ANTXR1: variants seen among roughly 807,000 people sequenced by gnomAD.
The protein encoded by ANTXR1 is ANTXR cell adhesion molecule 1.
A neutral mutation model predicts 78.1 loss-of-function variants in ANTXR1; 19 were observed. The observed-to-expected ratio is 0.24, with a 90% confidence interval of 0.17 to 0.36. The LOEUF (loss-of-function observed/expected upper bound fraction) is 0.36. Ranked by LOEUF, ANTXR1 falls within the 10% of genes least tolerant of loss-of-function variation. The pLI, the probability that ANTXR1 is intolerant of heterozygous loss-of-function variation, is 1.00. For missense variants in ANTXR1, 518 were observed against 718.6 expected (o/e 0.72, Z 3.19); for synonymous variants, 273 against 260.5 (o/e 1.05, Z -0.46).
At chr2:69,051,701 C>T (rs989407817) in intron 3 of ANTXR1, among the ~76,000 whole-genome samples, 9 of 152,016 alleles carry the variant, frequency 5.9e-5, no homozygotes, top group African/African-American at 2.2e-4. Flanking sequence ...TTTTTGTTTA[C>T]TTGATCTATG....
In ANTXR1 at chr2:69,170,413, T is replaced by C. The variant is rs371909415; in HGVS notation, c.1089+124T>C. On this transcript the variant is annotated intron_variant, in intron 14 of 17. Transcript: ENST00000303714. ...GCTAAGTCAAGCTCAAAGGATTTAA[T>C]GTACCTGCCTGTGAAGCAGAAGGGA... 2.1e-5 allele frequency: 23 copies of C among 1,094,222 alleles called. No homozygotes were observed. The Admixed American group carries it at 4.6e-4, about 22-fold the overall frequency. 67.8% of individuals were successfully genotyped at this position (1,094,222 alleles called of 1,614,324 possible).
At chr2:69,185,551 GAA>G (rs75084788) in intron 16 of ANTXR1, among the ~76,000 whole-genome samples, 8 of 89,544 alleles carry the variant, frequency 8.9e-5, no homozygotes, top group Non-Finnish European at 1.6e-4. Context: ...AATAAAAAAA[GAA>G]AAAAAAAAAA....
At chr2:69,126,680 T>C (rs1243531941) in intron 12 of ANTXR1, among the ~76,000 whole-genome samples, 1 of 151,870 alleles carries the variant, frequency 6.6e-6, no homozygotes, top group East Asian at 1.9e-4. Flanking sequence ...ACTAAACTTG[T>C]GGTATGGCAA....
At chr2:69,224,731 T>C (rs751455318) in intron 17 of ANTXR1, among the ~76,000 whole-genome samples, 35 of 152,120 alleles carry the variant, frequency 2.3e-4, no homozygotes, top group South Asian at 2.1e-4. Flanking sequence ...CCTGGCAGCT[T>C]GGAAAATGTC....
intron 9 of ANTXR1, among the ~76,000 whole-genome samples, chr2:69,097,231 C>G (rs1671459351): frequency 6.6e-6 from 1 of 152,184 alleles, no homozygotes; most frequent in African/African-American, 2.4e-5. Flanking sequence ...AGCAAGGATG[C>G]CAGGAAGGAA....
chr2:69,107,227 A>G lies in ANTXR1; in HGVS notation c.802+4287A>G, dbSNP rs552119383. On this transcript the variant is annotated intron_variant, in intron 10 of 17. Transcript: ENST00000303714. ...GTACTGTTCCAGAGGAAAGATATAA[A>G]GAAAACGTTTTGTTTTGTGTGGTTT... Among the ~76,000 whole-genome samples the G allele has an allele frequency of 2.6e-5, 4 of 152,236 alleles. No individual in the cohort carries two copies. The East Asian group carries it at 5.8e-4, about 22-fold the overall frequency.
At chr2:69,152,332 G>A (rs1163447909) in intron 13 of ANTXR1, 68 bp downstream of exon 13, 1 of 1,502,170 alleles carries the variant, frequency 6.7e-7, no homozygotes, top group Non-Finnish European at 9.3e-7. Context: ...CATGAGTAGA[G>A]AGAAAGGGAT....
intron 10 of ANTXR1, among the ~76,000 whole-genome samples, chr2:69,111,994 G>C (rs1407463483): frequency 6.6e-6 from 1 of 152,146 alleles, no homozygotes; most frequent in African/African-American, 2.4e-5. Flanking sequence ...CCATATGTTG[G>C]TCAAAGGCAC....
At chr2:69,159,984 C>G (rs1322464666) in intron 13 of ANTXR1, among the ~76,000 whole-genome samples, 1 of 152,190 alleles carries the variant, frequency 6.6e-6, no homozygotes, top group African/African-American at 2.4e-5. Context: ...GGCCAGACAA[C>G]CCAAGCCTAA....
intron 8 of ANTXR1, among the ~76,000 whole-genome samples, chr2:69,088,320 A>C (rs768893341): frequency 6.6e-6 from 1 of 152,182 alleles, no homozygotes; most frequent in Non-Finnish European, 1.5e-5. Flanking sequence ...TGGGAACAGG[A>C]CTAGTCCAAA....
intron 3 of ANTXR1, among the ~76,000 whole-genome samples, chr2:69,047,264 G>A (rs1293878454): frequency 2.6e-5 from 4 of 152,072 alleles, no homozygotes; most frequent in Non-Finnish European, 4.4e-5. Context: ...GTAAAGCTAT[G>A]AGAAGATGAA....
chr2:69,244,302 G>A (rs530584615), intron 17 of ANTXR1, among the ~76,000 whole-genome samples: 1 of 152,318 alleles, frequency 6.6e-6, no homozygotes, highest in Admixed American at 6.5e-5. Flanking sequence ...GCAGAATTCA[G>A]GGCAGATGCC....
chr2:69,240,780 G>A (rs1558668678), intron 17 of ANTXR1, among the ~76,000 whole-genome samples: 2 of 148,938 alleles, frequency 1.3e-5, no homozygotes, highest in South Asian at 4.3e-4. Flanking sequence ...GTGTAGTCTC[G>A]AGCAAGTTAT....
intron 1 of ANTXR1, among the ~76,000 whole-genome samples, chr2:69,023,102 T>G (rs13420940): frequency 6.6e-6 from 1 of 152,126 alleles, no homozygotes; most frequent in African/African-American, 2.4e-5. Context: ...ATCAGCTCAA[T>G]GCTTCAGCAA....
chr2:69,026,066 C>T (rs968101878), intron 1 of ANTXR1, among the ~76,000 whole-genome samples: 2 of 152,178 alleles, frequency 1.3e-5, no homozygotes, highest in South Asian at 2.1e-4. Flanking sequence ...CCCAAATTCC[C>T]GTAACAATTA....
intron 1 of ANTXR1, among the ~76,000 whole-genome samples, chr2:69,036,889 A>G (rs1180078228): frequency 6.6e-6 from 1 of 152,178 alleles, no homozygotes; most frequent in Non-Finnish European, 1.5e-5. Context: ...GAAGGATGGC[A>G]CCCTGGACCA....
chr2:69,151,100 C>T (rs1313226821), intron 12 of ANTXR1, among the ~76,000 whole-genome samples: 1 of 151,184 alleles, frequency 6.6e-6, no homozygotes, highest in Non-Finnish European at 1.5e-5. Context: ...TTCTGTAATG[C>T]ATTATTTAAC....
chr2:69,050,676 T>C (rs1018857050), intron 3 of ANTXR1, among the ~76,000 whole-genome samples: 1 of 152,328 alleles, frequency 6.6e-6, no homozygotes, highest in Non-Finnish European at 1.5e-5. Flanking sequence ...TTTTGTGTTA[T>C]TGCTTTTATC....
chr2:69,129,455 T>C (rs1389846788), intron 12 of ANTXR1, among the ~76,000 whole-genome samples: 3 of 152,028 alleles, frequency 2.0e-5, no homozygotes, highest in African/African-American at 7.3e-5. Flanking sequence ...AACAAGCATA[T>C]AAAAGAGTGT....
Sources: allele counts gnomAD v4.1 joint callset (sites outside exome capture counted in the v4.1 genomes callset), GRCh38; gene constraint gnomAD v4.1.1; transcripts MANE v1.5; gene names NCBI Gene and HGNC (gene_info 2026-07-23, HGNC 2026-07-21).